The following COL6A1 variants were observed in gnomAD, a reference collection of about 807,000 sequenced individuals.
COL6A1 encodes collagen type VI alpha 1 chain.
COL6A1 carries 80 observed loss-of-function variants against 145.6 expected under a neutral mutation model. The observed-to-expected ratio is 0.55, with a 90% confidence interval of 0.46 to 0.66. The LOEUF is 0.66. Ranked by LOEUF, COL6A1 falls within the 30% of genes least tolerant of loss-of-function variation. The pLI is 0.00. For missense variants in COL6A1, 1,364 were observed against 1,473.8 expected (o/e 0.93, Z 1.22); for synonymous variants, 638 against 622.8 (o/e 1.02, Z -0.36).
chr21:46,000,971 C>G, intron 29 of COL6A1: 1 of 732,342 alleles, frequency 1.4e-6, no homozygotes, highest in Non-Finnish European at 2.3e-6. Context: ...TCACCCATAA[C>G]TGAAATAACC....
At chr21:45,997,629 A>G in intron 21 of COL6A1, 71 bp from the exon 22 acceptor site, 3 of 1,547,224 alleles carry the variant, frequency 1.9e-6, no homozygotes, top group Non-Finnish European at 2.6e-6. Context: ...TCCCGGCCCC[A>G]GGAGGGCCCT....
At chr21:45,995,187 C>A (rs2077798023) in intron 20 of COL6A1, among the ~76,000 whole-genome samples, 1 of 152,196 alleles carries the variant, frequency 6.6e-6, no homozygotes, top group South Asian at 2.1e-4. Context: ...GCTTGGCAGG[C>A]GGGGTCTGGG....
Position 45,992,051 on chromosome 21 carries a change from C to T in COL6A1, c.1161C>T (p.Ser387=). ...ACGGGGAGGCGGGGAGACCAGGGAG[C>T]TCGGGACCATCTGGAGACGAGGTGA... ...GADGEAGRPG[S]SGPSGDEGQP... is the part of the protein sequence containing the mutation. The change falls in exon 16 of 35, where the codon AGC becomes AGT. Residue 387 remains serine, a synonymous_variant. Coordinates refer to ENST00000361866, the MANE Select transcript of COL6A1 (RefSeq NM_001848.3). 2 of 1,609,736 alleles carry T rather than the reference C, an allele frequency of 1.2e-6. No homozygotes were observed. Among genetic ancestry groups the T allele is most frequent in the Non-Finnish European group, 1.7e-6 (2 of 1,178,536 alleles).
In COL6A1 at chr21:45,997,747, G is replaced by A. The variant is rs1368309193; in HGVS notation, c.1509G>A (p.Gly503=). Residue 503 remains glycine (G), a synonymous_variant, in exon 22 of 35, where the codon GGG becomes GGA. Coordinates refer to ENST00000361866, the MANE Select transcript of COL6A1 (RefSeq NM_001848.3). ...CTGCCGGACCCCCTGGAGACCCGGG[G>A]CTGATGGGTGAAAGGGTGAGTGTCC... ...PGPAGPPGDP[G]LMGERGEDGP... 1.9e-6 allele frequency: 3 copies of A among 1,593,742 alleles called. No individual in the cohort carries two copies. The highest frequency in any genetic ancestry group is 1.7e-4 in the Middle Eastern group (1 of 5,734).
rs372627181 is a variant in COL6A1 at position 45,984,385 on chromosome 21, G to T, written c.344G>T (p.Ser115Ile). Reference sequence around the variant, plus strand: ...CCTGGCGGCCGCGACGCACTCAAAAGCAGCGTGGACGCGGTCAAGTACTTT... The same window carrying T: ...CCTGGCGGCCGCGACGCACTCAAAATCAGCGTGGACGCGGTCAAGTACTTT... ...RMPGGRDALK[S>I]SVDAVKYFGK... Residue 115 changes from serine (S) to isoleucine (I), a missense_variant, in exon 3 of 35, where the codon AGC (serine) becomes ATC (isoleucine). Physicochemically the swap from Ser to Ile is moderately radical, Grantham distance 142. Transcript: ENST00000361866. The T allele has an allele frequency of 5.6e-6, 9 of 1,612,654 alleles. No homozygotes were observed. In the African/African-American group the frequency reaches 1.1e-4, roughly 19 times the overall value.
chr21:45,986,391 A>G lies in COL6A1; in HGVS notation c.429-135A>G, dbSNP rs376741350. The stretch of plus-strand genomic sequence containing the variant: ...GGTGAGGTTCTTTTCAGTAACCCCC[A>G]CCGTATAGCCAGGATCAGCAAAGAG... On this transcript the variant is annotated intron_variant, in intron 3 of 34. Transcript: ENST00000361866. 5 of 801,022 alleles carry G rather than the reference A, an allele frequency of 6.2e-6. No homozygotes were observed. The East Asian group carries it at 1.1e-4, about 17-fold the overall frequency. The allele number at this position is 801,022 out of a possible 1,614,324, so 49.6% of individuals were successfully genotyped here. A position where few individuals can be genotyped will look rare whatever the true frequency, so the allele number is the denominator to read the frequency against.
At chr21:46,000,098 AC>A (rs1307751507) in intron 27 of COL6A1, among the ~76,000 whole-genome samples, 1 of 135,500 alleles carries the variant, frequency 7.4e-6, no homozygotes, top group Non-Finnish European at 1.6e-5. Flanking sequence ...CCATGAGGGG[AC>A]CCGTGACGGC....
rs558411537 is a variant in COL6A1, at chr21:45,998,774, T to G, written c.1612-123T>G. 106 of 1,205,470 alleles carry G rather than the reference T, an allele frequency of 8.8e-5. No homozygotes were observed. The East Asian group carries it at 2.6e-3, about 29-fold the overall frequency. The allele number at this position is 1,205,470 out of a possible 1,614,324, so 74.7% of individuals were successfully genotyped here. The stretch of plus-strand genomic sequence containing the variant: ...CCCAGTTTCTCCAGCCCAGGAAATG[T>G]GTGTGGTGGGGGAAGGGAAGAGAAG... On this transcript the variant is annotated intron_variant, in intron 24 of 34. Transcript: ENST00000361866.
chr21:45,987,456 C>T (rs771965187), intron 6 of COL6A1, 43 bp from the exon 7 acceptor site: 43 of 1,612,546 alleles, frequency 2.7e-5, no homozygotes, highest in East Asian at 6.7e-5. Context: ...GCCGTATGTC[C>T]GTGGCTTTCC....
chr21:45,983,658 T>TGG (rs146694264), intron 2 of COL6A1, among the ~76,000 whole-genome samples: 4,012 of 141,964 alleles, frequency 0.028, 146 homozygotes, highest in African/African-American at 0.085. Context: ...CGGCAGTGTT[T>TGG]GGGGGGGGGT....
Position 45,982,078 on chromosome 21 carries a change from C to T in COL6A1, c.97+131C>T, listed in dbSNP as rs1466716638. The T allele has an allele frequency of 1.3e-5, 10 of 779,484 alleles. No individual in the cohort carries two copies. The Admixed American group carries it at 1.8e-4, about 14-fold the overall frequency. 48.3% of individuals were successfully genotyped at this position (779,484 alleles called of 1,614,324 possible). Reference sequence around the variant, plus strand: ...CCTGGAGCCCCTGAACCCCACTCCCCGCTCGGGGCGGCTGCAGCGCCCAGC... The same window carrying T: ...CCTGGAGCCCCTGAACCCCACTCCCTGCTCGGGGCGGCTGCAGCGCCCAGC... On this transcript the variant is annotated intron_variant, in intron 1 of 34. Coordinates refer to ENST00000361866, the MANE Select transcript of COL6A1 (RefSeq NM_001848.3).
intron 4 of COL6A1, 91 bp downstream of exon 4, chr21:45,986,776 G>A (rs1015367935): frequency 5.3e-6 from 8 of 1,517,846 alleles, no homozygotes; most frequent in African/African-American, 2.8e-5. Flanking sequence ...TTTGGTCCTC[G>A]GGAGGGTGTG....
intron 6 of COL6A1, 54 bp downstream of exon 6, chr21:45,987,229 C>T (rs890115766): frequency 2.6e-5 from 41 of 1,582,544 alleles, no homozygotes; most frequent in African/African-American, 2.4e-4. Context: ...TCCACCCACA[C>T]GTCCACCTGT....
In COL6A1 at chr21:45,997,474, A is replaced by G. The variant is rs142920338; in HGVS notation, c.1452A>G (p.Pro484=). The G allele has an allele frequency of 1.3e-5, 21 of 1,611,026 alleles. No individual in the cohort carries two copies. Among genetic ancestry groups the G allele is most frequent in the East Asian group, 2.2e-5 (1 of 44,702 alleles). Residue 484 remains proline, a synonymous_variant, in exon 21 of 35, where the codon CCA becomes CCG. Coordinates refer to ENST00000361866, the MANE Select transcript of COL6A1 (RefSeq NM_001848.3). ...PKGYRGDEGP[P]GSEGARGAPG... ...GCTACCGAGGCGATGAGGGTCCCCC[A>G]GGGTCCGAGGTGAGTCCCACTCCCC...
chr21:45,992,494 C>T, intron 18 of COL6A1, 96 bp downstream of exon 18: 2 of 1,427,482 alleles, frequency 1.4e-6, no homozygotes, highest in Non-Finnish European at 1.9e-6. Flanking sequence ...CACTGAGAGC[C>T]ATGGCCTCCT....
At chr21:45,993,690 GC>G (rs1281687359) in intron 19 of COL6A1, among the ~76,000 whole-genome samples, 1 of 152,172 alleles carries the variant, frequency 6.6e-6, no homozygotes, top group Non-Finnish European at 1.5e-5. Context: ...GAAGCGCACA[GC>G]CCCCGTGGAG....
chr21:45,995,958 C>T (rs973140299), intron 20 of COL6A1, among the ~76,000 whole-genome samples: 5 of 152,232 alleles, frequency 3.3e-5, no homozygotes, highest in Non-Finnish European at 7.3e-5. Flanking sequence ...CAGAACCTCC[C>T]TGCTCAGCCC....
At chr21:45,988,962 G>C (rs944012698) in intron 8 of COL6A1, 122 bp from the exon 9 acceptor site, 2 of 1,136,942 alleles carry the variant, frequency 1.8e-6, no homozygotes, top group Non-Finnish European at 2.5e-6. Context: ...TGATGGGGAA[G>C]GTGCTTTAAA....
chr21:45,992,123 T>C, intron 16 of COL6A1, 41 bp from the exon 17 acceptor site: 1 of 1,612,084 alleles, frequency 6.2e-7, no homozygotes. Context: ...CCAGGGAGGG[T>C]CAAGGAGATG....
Sources: allele counts gnomAD v4.1 joint callset (sites outside exome capture counted in the v4.1 genomes callset), GRCh38; gene constraint gnomAD v4.1.1; transcripts MANE v1.5; gene names NCBI Gene and HGNC (gene_info 2026-07-23, HGNC 2026-07-21).